Variants in LMNTD2 observed in about 807,000 individuals in gnomAD.
The protein encoded by LMNTD2 is lamin tail domain-containing protein 2.
LMNTD2 carries 83 observed loss-of-function variants against 70.1 expected under a neutral mutation model. The observed-to-expected ratio is 1.18, with a 90% confidence interval of 0.99 to 1.42. The LOEUF is 1.42. LMNTD2 is among the 40% of genes most tolerant of loss of function. The pLI, the probability that LMNTD2 is intolerant of heterozygous loss-of-function variation, is 0.00. For missense variants in LMNTD2, 1,153 were observed against 905.9 expected, an observed-to-expected ratio of 1.27 and a Z score of -3.50; for synonymous variants, 534 against 406.1, an observed-to-expected ratio of 1.31 and a Z score of -3.79.
intron 1 of LMNTD2, chr11:559,831 C>A: frequency 1.1e-6 from 1 of 902,604 alleles, no homozygotes. Flanking sequence ...GTGATGACAG[C>A]GCACGTTAAC....
chr11:559,773 C>T, intron 1 of LMNTD2: 1 of 1,045,526 alleles, frequency 9.6e-7, no homozygotes, highest in Non-Finnish European at 1.2e-6. Flanking sequence ...ATAATTAATT[C>T]TTTAGAGACA....
In LMNTD2 at chr11:557,562, C is replaced by A. The variant is rs1424770737; in HGVS notation, c.624+10G>T. 2.3e-5 allele frequency: 37 copies of A among 1,613,318 alleles called. No homozygotes were observed. The highest frequency in any genetic ancestry group is 3.1e-5 in the Non-Finnish European group (37 of 1,179,852). ...GATACCAGACCACACACGTGGGAGG[C>A]CTAGCTCACCTCCCCGGTGGGGGCC... is the stretch of plus-strand genomic sequence containing the variant. On this transcript the variant is annotated intron_variant, in intron 6 of 13. Coordinates refer to ENST00000329451, the MANE Select transcript of LMNTD2 (RefSeq NM_173573.3).
rs775398884 is a variant in LMNTD2 at position 559,451 on chromosome 11, A to G, written c.35-472T>C. On this transcript the variant is annotated intron_variant, in intron 1 of 13. Coordinates refer to ENST00000329451, the MANE Select transcript of LMNTD2 (RefSeq NM_173573.3). The stretch of plus-strand genomic sequence containing the variant: ...GGGCTGTTTGTTACCAGGAGCCTCC[A>G]GGGAGACCCCAGACCAGGCCCCTAG... 5.4e-6 allele frequency: 7 copies of G among 1,304,540 alleles called. No homozygotes were observed. The African/African-American group carries it at 7.6e-5, about 14-fold the overall frequency. 80.8% of individuals were successfully genotyped at this position (1,304,540 alleles called of 1,614,324 possible).
In LMNTD2 at chr11:555,400, G is replaced by T; in HGVS notation, c.1678C>A (p.Pro560Thr). 1 of 1,401,738 alleles carries T rather than the reference G, an allele frequency of 7.1e-7. No individual in the cohort carries two copies. Among genetic ancestry groups the T allele is most frequent in the Non-Finnish European group, 9.2e-7 (1 of 1,082,166 alleles). The allele number at this position is 1,401,738 out of a possible 1,614,324, so 86.8% of individuals were successfully genotyped here. ...AGGGTGGGGTCACCCGGGATGGCGG[G>T]CAGGTGCTGCGGCGCGGGGATCTCG... ...NPEIPAPQHL[P>T]AIPGDPTLPS... Residue 560 changes from proline (P) to threonine (T), a missense_variant, in exon 13 of 14, where the codon CCC becomes ACC. Transcript: ENST00000329451.
chr11:558,124 A>T (rs1287910068), intron 4 of LMNTD2, 37 bp downstream of exon 4: 1 of 1,610,634 alleles, frequency 6.2e-7, no homozygotes, highest in Admixed American at 1.7e-5. Context: ...GCTCCCCAAC[A>T]CCAGGACCCT....
chr11:556,987 G>T lies in LMNTD2; in HGVS notation c.824C>A (p.Thr275Asn), dbSNP rs1455773777. 4 of 1,607,950 alleles carry T rather than the reference G, an allele frequency of 2.5e-6. No individual in the cohort carries two copies. Among genetic ancestry groups the T allele is most frequent in the Non-Finnish European group, 3.4e-6 (4 of 1,179,126 alleles). Residue 275 changes from threonine to asparagine, a missense_variant, in exon 8 of 14, where the codon ACC becomes AAC. By Grantham distance (65) the Thr-to-Asn change is moderately conservative (BLOSUM62 0). Coordinates refer to ENST00000329451, the MANE Select transcript of LMNTD2 (RefSeq NM_173573.3). ...GGAGTCAGCGCCCCCTGAGCTGCTG[G>T]TGTTCAGACAGGGCAGGGAGCCCCA... ...VEWGSLPCLN[T>N]SSSGGADSDS...
chr11:559,143 C>G, intron 1 of LMNTD2, 164 bp from the exon 2 acceptor site: 1 of 1,466,130 alleles, frequency 6.8e-7, no homozygotes, highest in Non-Finnish European at 9.0e-7. Context: ...TCACCACTTA[C>G]TCACAGAGCG....
rs936411162 is a variant in LMNTD2, at chr11:554,903, A to G, written c.*77T>C. On this transcript the variant is annotated 3_prime_UTR_variant, in exon 14 of 14. Coordinates refer to ENST00000329451, the MANE Select transcript of LMNTD2 (RefSeq NM_173573.3). ...GTAGGCCACGTTGGTTCAATAAATG[A>G]TGCAGCGGACACAGCCCGCCCAGCC... is the stretch of plus-strand genomic sequence containing the variant. 8.7e-6 allele frequency: 9 copies of G among 1,030,708 alleles called. No individual in the cohort carries two copies. The African/African-American group carries it at 1.5e-4, about 18-fold the overall frequency. 63.8% of individuals were successfully genotyped at this position (1,030,708 alleles called of 1,614,324 possible).
At chr11:559,836 G>A (rs575223848) in intron 1 of LMNTD2, 46 of 871,494 alleles carry the variant, frequency 5.3e-5, no homozygotes, top group Non-Finnish European at 6.2e-5. Flanking sequence ...GACAGCGCAC[G>A]TTAACCTCGA....
rs1487415664 is a variant in LMNTD2, at chr11:560,346, G to A, written c.34+337C>T. The A allele has an allele frequency of 1.6e-5, 18 of 1,142,302 alleles. No individual in the cohort carries two copies. The South Asian group carries it at 5.3e-4, about 33-fold the overall frequency. 70.8% of individuals were successfully genotyped at this position (1,142,302 alleles called of 1,614,324 possible). A position where few individuals can be genotyped will look rare whatever the true frequency, so the allele number is the denominator to read the frequency against. ...ATGGCCTGGCACTGGGTCCAAAAGG[G>A]GCAGGAAGGTGTCGGAGAAGAGCCT... On this transcript the variant is annotated intron_variant, in intron 1 of 13. Coordinates refer to ENST00000329451, the MANE Select transcript of LMNTD2 (RefSeq NM_173573.3).
intron 13 of LMNTD2, 27 bp from the exon 14 acceptor site, chr11:555,138 C>CGCGGG (rs775536215): frequency 7.2e-5 from 42 of 581,154 alleles, no homozygotes; most frequent in East Asian, 5.8e-4. Flanking sequence ...CTGAGAGGCG[C>CGCGGG]GCGGGGCGGG....
At position 555,420 on chromosome 11, in the gene LMNTD2, ATCTCGGGGT is replaced by A. The variant is rs1210455503; in HGVS notation, c.1649_1657del (p.Asn550_Glu552del). Reference sequence around the variant, plus strand: ...GGCGGGCAGGTGCTGCGGCGCGGGGATCTCGGGGTTCTCGGGCCGCGCAGGCCCCTCCCG... The same window carrying A: ...GGCGGGCAGGTGCTGCGGCGCGGGGATCTCGGGCCGCGCAGGCCCCTCCCG... On this transcript the variant is annotated inframe_deletion, in exon 13 of 14. Coordinates refer to ENST00000329451, the MANE Select transcript of LMNTD2 (RefSeq NM_173573.3). 18 of 1,394,786 alleles carry A rather than the reference ATCTCGGGGT, an allele frequency of 1.3e-5. No homozygotes were observed. The highest frequency in any genetic ancestry group is 5.9e-5 in the East Asian group (2 of 33,942). The allele number at this position is 1,394,786 out of a possible 1,614,324, so 86.4% of individuals were successfully genotyped here.
intron 1 of LMNTD2, chr11:559,565 C>T: frequency 2.5e-6 from 3 of 1,197,108 alleles, no homozygotes; most frequent in Non-Finnish European, 3.2e-6. Flanking sequence ...TGACCAACAC[C>T]CTGAGGGAGG....
In LMNTD2 at chr11:555,498, C is replaced by A; in HGVS notation, c.1580G>T (p.Arg527Leu). The A allele has an allele frequency of 1.5e-6, 2 of 1,360,788 alleles. No individual in the cohort carries two copies. Among genetic ancestry groups the A allele is most frequent in the East Asian group, 5.9e-5 (2 of 33,804 alleles). 84.3% of individuals were successfully genotyped at this position (1,360,788 alleles called of 1,614,324 possible). Residue 527 changes from arginine to leucine, a missense_variant, in exon 13 of 14, where the codon CGG becomes CTG. Coordinates refer to ENST00000329451, the MANE Select transcript of LMNTD2 (RefSeq NM_173573.3). ...PRVSRRRPGT[R>L]GLLPPVSSGK... is the part of the protein sequence containing the mutation. ...CGAGCTCACTGGGGGCAGCAGGCCCCGCGTCCTGGTGGGGCGAGGGTCGTG... is the reference window on the plus strand; with the variant it reads ...CGAGCTCACTGGGGGCAGCAGGCCCAGCGTCCTGGTGGGGCGAGGGTCGTG...
rs771717290 is a variant in LMNTD2, at chr11:557,022, C to T, written c.789G>A (p.Lys263=). The T allele has an allele frequency of 1.2e-6, 2 of 1,609,668 alleles. No homozygotes were observed. Among genetic ancestry groups the T allele is most frequent in the African/African-American group, 1.3e-5 (1 of 74,900 alleles). ...AGGGCAGGGAGCCCCACTCCACGGT[C>T]TTGTGATGCCGCTCGGAATGCTTTC... ...SSGKHSERHH[K]TVEWGSLPCL... is the part of the protein sequence containing the mutation. The change falls in exon 8 of 14, where the codon AAG becomes AAA. Residue 263 remains lysine (K), a synonymous_variant. Transcript: ENST00000329451.
chr11:555,577 G>A, intron 12 of LMNTD2, 74 bp from the exon 13 acceptor site: 1 of 1,291,606 alleles, frequency 7.7e-7, no homozygotes, highest in Admixed American at 4.2e-5. Flanking sequence ...CGCCTGGGGC[G>A]GGGCAGGGGC....
At chr11:560,436 G>GTT in intron 1 of LMNTD2, 1 of 1,242,156 alleles carries the variant, frequency 8.1e-7, no homozygotes, top group South Asian at 3.5e-5. Flanking sequence ...CGCCAGCTCC[G>GTT]CAGGGCTCCA....
chr11:558,377 C>G (rs987579622), intron 3 of LMNTD2, 129 bp from the exon 4 acceptor site: 2 of 1,167,886 alleles, frequency 1.7e-6, no homozygotes, highest in Non-Finnish European at 2.4e-6. Context: ...CACAGTACAG[C>G]CCCGCTGGGG....
Position 555,021 on chromosome 11 carries a change from T to A in LMNTD2, c.1864A>T (p.Ser622Cys). The A allele has an allele frequency of 2.5e-6, 4 of 1,592,334 alleles. No individual in the cohort carries two copies. The highest frequency in any genetic ancestry group is 3.4e-6 in the Non-Finnish European group (4 of 1,172,822). ...GTGTCCGCGGTGACCGGCAGGCAGC[T>A]GAGGAAGCGGAAGCCGAATCTGCTC... ...AESRFGFRFL[S>C]CLPVTADTCR... Residue 622 changes from serine (S) to cysteine (C), a missense_variant, in exon 14 of 14, where the codon AGC (serine) becomes TGC (cysteine). By Grantham distance (112) the Ser-to-Cys change is moderately radical. Transcript: ENST00000329451.
Sources: allele counts gnomAD v4.1 joint callset, GRCh38; gene constraint gnomAD v4.1.1; transcripts MANE v1.5; gene names NCBI Gene and HGNC (gene_info 2026-07-23, HGNC 2026-07-21).